LRRK2: variants seen among roughly 807,000 people sequenced by gnomAD.
LRRK2 encodes leucine-rich repeat serine/threonine-protein kinase 2.
A neutral mutation model predicts 302.6 loss-of-function variants in LRRK2; 203 were observed. The ratio of observed to expected loss-of-function variants is 0.67; its 90% CI spans 0.60 to 0.75. The LOEUF is 0.75. LRRK2 is among the 30% of genes least tolerant of loss of function. LRRK2 has a pLI of 0.00. For synonymous variants in LRRK2, 1,066 were observed against 1,031.9 expected (o/e 1.03, Z -0.63); for missense variants, 2,830 against 2,951.0 (o/e 0.96, Z 0.95).
chr12:40,298,893 T>G (rs1192537723), intron 24 of LRRK2, among the ~76,000 whole-genome samples: 45 of 125,638 alleles, frequency 3.6e-4, no homozygotes, highest in Non-Finnish European at 6.5e-4. Flanking sequence ...ATACTTATTA[T>G]ATATATACTA....
chr12:40,307,790 T>TG (rs1347779059), intron 28 of LRRK2, among the ~76,000 whole-genome samples: 1 of 146,650 alleles, frequency 6.8e-6, no homozygotes, highest in Non-Finnish European at 1.5e-5. Flanking sequence ...TCTTTTTTTT[T>TG]TTTTTTTTGA....
At chr12:40,276,417 T>A (rs1436303703) in intron 16 of LRRK2, among the ~76,000 whole-genome samples, 1 of 152,118 alleles carries the variant, frequency 6.6e-6, no homozygotes, top group Non-Finnish European at 1.5e-5. Flanking sequence ...TGCCTCAGCC[T>A]CCCTAGTAGC....
In LRRK2 at chr12:40,233,670, T is replaced by A. The variant is rs774241991; in HGVS notation, c.347+1287T>A. Among the ~76,000 whole-genome samples the A allele has an allele frequency of 1.7e-4, 26 of 152,236 alleles. 1 individual carries two copies. Among genetic ancestry groups the A allele is most frequent in the Non-Finnish European group, 1.0e-4 (7 of 68,046 alleles). ...TAATTAGGAATTGTAACTTTAAATG[T>A]CCCTTGGTTTGGGTGATAATTTCCA... On this transcript the variant is annotated intron_variant, in intron 3 of 50. Transcript: ENST00000298910.
At chr12:40,315,332 T>C (rs1010685145) in intron 33 of LRRK2, 32 bp downstream of exon 33, 1 of 1,548,354 alleles carries the variant, frequency 6.5e-7, no homozygotes, top group African/African-American at 1.4e-5. Context: ...GGCACGGGGG[T>C]TATGGTCAAA....
intron 21 of LRRK2, among the ~76,000 whole-genome samples, chr12:40,293,894 C>CATATATATATATATATATAT (rs1491426750): frequency 0.017 from 1,173 of 70,338 alleles, 45 homozygotes; most frequent in Admixed American, 0.07. Context: ...TTTTTTGGGG[C>CATATATATATATATATATAT]ACATATATAT....
chr12:40,270,684 C>T (rs1474001377), intron 14 of LRRK2, among the ~76,000 whole-genome samples: 2 of 152,000 alleles, frequency 1.3e-5, no homozygotes, highest in African/African-American at 4.8e-5. Context: ...AATCCATCCA[C>T]TTTATTAGGG....
intron 44 of LRRK2, among the ~76,000 whole-genome samples, chr12:40,352,874 C>G (rs10878410): frequency 6.6e-6 from 1 of 151,958 alleles, no homozygotes; most frequent in Non-Finnish European, 1.5e-5. Flanking sequence ...TACACAGACA[C>G]AGCAACAATC....
chr12:40,360,281 A>G (rs778672466), intron 47 of LRRK2, among the ~76,000 whole-genome samples: 10 of 152,128 alleles, frequency 6.6e-5, no homozygotes, highest in Non-Finnish European at 1.2e-4. Context: ...GTCAATAAAC[A>G]TTAGCTATTA....
At position 40,328,394 on chromosome 12, in the gene LRRK2, C is replaced by G. The variant is rs200436043; in HGVS notation, c.5691C>G (p.Ala1897=). The part of the protein sequence containing the change: ...DGSFGSVYRA[A]YEGEEVAVKI... Reference sequence around the variant, plus strand: ...GTTTTGGATCAGTTTACCGAGCAGCCTATGAAGGAGAAGAAGTGGCTGTGA... The same window carrying G: ...GTTTTGGATCAGTTTACCGAGCAGCGTATGAAGGAGAAGAAGTGGCTGTGA... Residue 1897 remains alanine, a synonymous_variant, in exon 39 of 51, where the codon GCC becomes GCG. Coordinates refer to ENST00000298910, the MANE Select transcript of LRRK2 (RefSeq NM_198578.4). 4.9e-5 allele frequency: 79 copies of G among 1,613,462 alleles called. No individual in the cohort carries two copies. The highest frequency in any genetic ancestry group is 5.9e-5 in the Non-Finnish European group (70 of 1,179,766).
At chr12:40,361,740 T>G (rs1030758597) in intron 47 of LRRK2, among the ~76,000 whole-genome samples, 1 of 152,062 alleles carries the variant, frequency 6.6e-6, no homozygotes, top group African/African-American at 2.4e-5. Context: ...CATAAACACT[T>G]AAATATAAAT....
In LRRK2 at chr12:40,364,931, C is replaced by G; in HGVS notation, c.7271C>G (p.Ala2424Gly). The G allele has an allele frequency of 6.2e-7, 1 of 1,612,482 alleles. No homozygotes were observed. Among genetic ancestry groups the G allele is most frequent in the South Asian group, 1.1e-5 (1 of 91,048 alleles). Residue 2424 changes from alanine to glycine, a missense_variant, in exon 49 of 51, where the codon GCT becomes GGT. Around this residue, in one of 3 missense-constraint regions of LRRK2, gnomAD observed 456 missense variants for 456.3 expected, o/e 1.00. Transcript: ENST00000298910. ...VKTLCLQKNTALWIGTGGGHI... is the reference protein window; with the variant it reads ...VKTLCLQKNTGLWIGTGGGHI... ...ACCCTCTGCCTTCAGAAGAACACTG[C>G]TCTTTGGATAGGAACTGGAGGAGGC...
At position 40,314,146 on chromosome 12, in the gene LRRK2, C is replaced by T; in HGVS notation, c.4711C>T (p.His1571Tyr). The T allele has an allele frequency of 6.2e-7, 1 of 1,612,472 alleles. No homozygotes were observed. The highest frequency in any genetic ancestry group is 8.5e-7 in the Non-Finnish European group (1 of 1,178,820). Residue 1571 changes from histidine (H) to tyrosine (Y), a missense_variant, in exon 32 of 51, where the codon CAC becomes TAC. His to Tyr is a moderately conservative substitution (Grantham distance 83). Coordinates refer to ENST00000298910, the MANE Select transcript of LRRK2 (RefSeq NM_198578.4). ...GCAGTTAGATGAAAATGAGCTTCCT[C>T]ACGCAGTTCACTTTCTAAATGAATC... ...QLQLDENELPHAVHFLNESGV... is the reference protein window; with the variant it reads ...QLQLDENELPYAVHFLNESGV...
At position 40,257,396 on chromosome 12, in the gene LRRK2, C is replaced by T. The variant is rs946003936; in HGVS notation, c.1418+19C>T. The stretch of plus-strand genomic sequence containing the variant: ...AAGGAAGGTAATATAGATTCATTAA[C>T]TTGTACAGAATATATCATATTGGGC... On this transcript the variant is annotated intron_variant, in intron 12 of 50. Coordinates refer to ENST00000298910, the MANE Select transcript of LRRK2 (RefSeq NM_198578.4). 1 of 1,608,692 alleles carries T rather than the reference C, an allele frequency of 6.2e-7. No individual in the cohort carries two copies.
chr12:40,290,300 A>G (rs1944094285), intron 20 of LRRK2, among the ~76,000 whole-genome samples: 1 of 151,940 alleles, frequency 6.6e-6, no homozygotes, highest in South Asian at 2.1e-4. Flanking sequence ...TCCTTTTTAT[A>G]TAGTATTAAA....
intron 40 of LRRK2, among the ~76,000 whole-genome samples, chr12:40,339,627 A>C (rs933425420): frequency 6.6e-6 from 1 of 152,138 alleles, no homozygotes; most frequent in South Asian, 2.1e-4. Flanking sequence ...CTTAGCCCCA[A>C]ATTTTCTTTT....
intron 20 of LRRK2, among the ~76,000 whole-genome samples, 196 bp downstream of exon 20, chr12:40,287,735 G>A (rs937768102): frequency 1.1e-4 from 16 of 151,784 alleles, no homozygotes; most frequent in Admixed American, 5.9e-4. Context: ...GCTTCTAAAT[G>A]TTATACTAAT....
At chr12:40,232,175 A>T in intron 2 of LRRK2, 99 bp from the exon 3 acceptor site, 1 of 849,492 alleles carries the variant, frequency 1.2e-6, no homozygotes, top group South Asian at 1.4e-5. Flanking sequence ...AAGTGAGATA[A>T]GCATCTATTC....
At chr12:40,355,292 A>T (rs1946491804) in intron 45 of LRRK2, among the ~76,000 whole-genome samples, 1 of 152,164 alleles carries the variant, frequency 6.6e-6, no homozygotes, top group Non-Finnish European at 1.5e-5. Context: ...ACAGCAGGGG[A>T]GAGAGATCAG....
At chr12:40,315,014 T>C (rs1260614696) in intron 32 of LRRK2, among the ~76,000 whole-genome samples, 198 bp from the exon 33 acceptor site, 2 of 152,102 alleles carry the variant, frequency 1.3e-5, no homozygotes, top group African/African-American at 2.4e-5. Flanking sequence ...ATGATCATTT[T>C]ATGTAGTTTA....
Sources: allele counts gnomAD v4.1 joint callset (sites outside exome capture counted in the v4.1 genomes callset), GRCh38; gene constraint gnomAD v4.1.1; regional missense constraint gnomAD v4.1.1; transcripts MANE v1.5; gene names NCBI Gene and HGNC (gene_info 2026-07-23, HGNC 2026-07-21).